Variants in CDHR2 observed in about 807,000 individuals in gnomAD.
The protein encoded by CDHR2 is cadherin related family member 2.
In CDHR2, 104 loss-of-function variants were observed where a neutral mutation model predicts 138.6. That is an observed-to-expected ratio of 0.75 (90% CI 0.64 to 0.88). The LOEUF is 0.88. Ranked by LOEUF, CDHR2 falls within the 40% of genes least tolerant of loss-of-function variation. The pLI is 0.00. For missense variants in CDHR2, 1,624 were observed against 1,727.6 expected, an observed-to-expected ratio of 0.94 and a Z score of 1.06; for synonymous variants, 755 against 742.8, an observed-to-expected ratio of 1.02 and a Z score of -0.27.
intron 1 of CDHR2, among the ~76,000 whole-genome samples, chr5:176,563,901 A>G (rs1404978108): frequency 2.6e-5 from 4 of 152,204 alleles, no homozygotes; most frequent in Admixed American, 2.0e-4. Flanking sequence ...CAATCAGCAC[A>G]AAAGAGTATA....
chr5:176,548,769 A>G (rs1471603982), upstream of CDHR2, among the ~76,000 whole-genome samples: 3 of 152,032 alleles, frequency 2.0e-5, no homozygotes, highest in Non-Finnish European at 2.9e-5. Flanking sequence ...TTAAAAAAAA[A>G]AGGCAACTTG....
chr5:176,566,095 C>CT (rs57830507), intron 3 of CDHR2, among the ~76,000 whole-genome samples: 2,652 of 144,914 alleles, frequency 0.018, 48 homozygotes, highest in African/African-American at 0.057. Context: ...CCCACGCTGG[C>CT]TTTTTTTTTT....
intron 5 of CDHR2, among the ~76,000 whole-genome samples, chr5:176,569,447 C>T (rs1413647789): frequency 7.2e-5 from 11 of 151,968 alleles, no homozygotes; most frequent in Non-Finnish European, 8.8e-5. Context: ...CCACGCCCGG[C>T]TAATTTTTGT....
At chr5:176,594,417 C>A (rs148904498) in intron 31 of CDHR2, among the ~76,000 whole-genome samples, 1 of 152,182 alleles carries the variant, frequency 6.6e-6, no homozygotes, top group Non-Finnish European at 1.5e-5. Context: ...AAGCTCCACA[C>A]GTCTGTGTGG....
intron 5 of CDHR2, among the ~76,000 whole-genome samples, chr5:176,569,959 C>CAAA (rs67181310): frequency 4.2e-5 from 6 of 141,682 alleles, no homozygotes; most frequent in Admixed American, 7.0e-5. Flanking sequence ...GACTCCGTCT[C>CAAA]AAAAAAAAAA....
At position 176,590,599 on chromosome 5, in the gene CDHR2, C is replaced by G. The variant is rs923572144; in HGVS notation, c.3451C>G (p.Gln1151Glu). ...QESQESDLSK[Q>E]LISVIIGLGV... Reference sequence around the variant, plus strand: ...GAGCCAGGAGTCAGACCTGTCGAAACAGCTCATCAGTGTCATCATAGGATT... The same window carrying G: ...GAGCCAGGAGTCAGACCTGTCGAAAGAGCTCATCAGTGTCATCATAGGATT... The change falls in exon 28 of 32, where the codon CAG becomes GAG. Residue 1151 changes from glutamine to glutamate, a missense_variant. Around this residue, in one of 3 missense-constraint regions of CDHR2, gnomAD observed 556 missense variants for 565.7 expected, o/e 0.98. Transcript: ENST00000261944. 4 of 1,613,966 alleles carry G rather than the reference C, an allele frequency of 2.5e-6. No homozygotes were observed. The African/African-American group carries it at 5.3e-5, about 22-fold the overall frequency.
chr5:176,568,103 G>A (rs913275765), intron 3 of CDHR2, among the ~76,000 whole-genome samples: 6 of 152,230 alleles, frequency 3.9e-5, no homozygotes, highest in Non-Finnish European at 7.3e-5. Flanking sequence ...TGGAGGTGTC[G>A]GAGCAGAGGC....
At chr5:176,583,095 G>A (rs1447107157) in intron 17 of CDHR2, among the ~76,000 whole-genome samples, 4 of 152,226 alleles carry the variant, frequency 2.6e-5, no homozygotes, top group African/African-American at 9.6e-5. Context: ...ATGAGGACTT[G>A]CTGGTTGTCC....
chr5:176,579,610 A>G (rs1545976), intron 16 of CDHR2, among the ~76,000 whole-genome samples: 34,437 of 152,102 alleles, frequency 0.23, 4,077 homozygotes, highest in East Asian at 0.45. Context: ...AGGGCACCAA[A>G]GGATGAGCAG....
chr5:176,568,196 G>A (rs1160298815), intron 3 of CDHR2, among the ~76,000 whole-genome samples: 1 of 152,234 alleles, frequency 6.6e-6, no homozygotes, highest in African/African-American at 2.4e-5. Flanking sequence ...TAGGGAGTGG[G>A]CGACCAGCCT....
intron 21 of CDHR2, among the ~76,000 whole-genome samples, chr5:176,588,454 AGG>A (rs1474954064): frequency 8.3e-5 from 10 of 121,150 alleles, no homozygotes; most frequent in African/African-American, 3.3e-4. Flanking sequence ...TGAGTGTGAG[AGG>A]GTGTGTGAGT....
chr5:176,589,507 T>C, intron 23 of CDHR2, 21 bp from the exon 24 acceptor site: 1 of 1,613,782 alleles, frequency 6.2e-7, no homozygotes, highest in Non-Finnish European at 8.5e-7. Context: ...GTGCCTCATC[T>C]CCTGCACACC....
At chr5:176,547,996 T>G (rs1382489994), upstream of CDHR2, among the ~76,000 whole-genome samples, 1 of 152,148 alleles carries the variant, frequency 6.6e-6, no homozygotes, top group Admixed American at 6.5e-5. Context: ...CATCACACAG[T>G]GACTTACACA....
chr5:176,580,007 C>A (rs906149763), intron 16 of CDHR2, among the ~76,000 whole-genome samples: 2 of 152,174 alleles, frequency 1.3e-5, no homozygotes, highest in African/African-American at 2.4e-5. Context: ...GGGAACGGAA[C>A]CTGCAAAGGC....
intron 1 of CDHR2, among the ~76,000 whole-genome samples, chr5:176,562,904 G>A (rs1378498182): frequency 6.6e-6 from 1 of 152,184 alleles, no homozygotes; most frequent in Non-Finnish European, 1.5e-5. Context: ...ACATGTAAAT[G>A]TATTACAATT....
rs1758820629 is a variant in CDHR2, at chr5:176,590,606, T to C, written c.3458T>C (p.Ile1153Thr). 1 of 1,614,006 alleles carries C rather than the reference T, an allele frequency of 6.2e-7. No individual in the cohort carries two copies. Among genetic ancestry groups the C allele is most frequent in the Non-Finnish European group, 8.5e-7 (1 of 1,179,986 alleles). The change falls in exon 28 of 32, where the codon ATC becomes ACC. Residue 1153 changes from isoleucine to threonine, a missense_variant. Transcript: ENST00000261944. ...GAGTCAGACCTGTCGAAACAGCTCA[T>C]CAGTGTCATCATAGGATTGGGAGTG... ...SQESDLSKQLISVIIGLGVAL... is the reference protein window; with the variant it reads ...SQESDLSKQLTSVIIGLGVAL...
chr5:176,589,703 C>T, intron 24 of CDHR2, 87 bp downstream of exon 24: 2 of 1,138,848 alleles, frequency 1.8e-6, no homozygotes, highest in Non-Finnish European at 2.6e-6. Context: ...GGATGTCTCT[C>T]AATCCTGTTC....
At position 176,575,499 on chromosome 5, in the gene CDHR2, A is replaced by G; in HGVS notation, c.769-7A>G. 2.5e-6 allele frequency: 4 copies of G among 1,614,170 alleles called. No homozygotes were observed. The highest frequency in any genetic ancestry group is 3.4e-6 in the Non-Finnish European group (4 of 1,180,016). ...GTTTGAGGAGCACTGACCAGGCCCC[A>G]TTCCAGGGAACCTCGGTGCTGACGG... is the stretch of plus-strand genomic sequence containing the variant. On this transcript the variant is annotated splice_polypyrimidine_tract_variant and splice_region_variant and intron_variant, in intron 9 of 31. Coordinates refer to ENST00000261944, the MANE Select transcript of CDHR2 (RefSeq NM_017675.6).
chr5:176,594,221 T>C (rs1448747975), intron 31 of CDHR2, among the ~76,000 whole-genome samples: 1 of 151,948 alleles, frequency 6.6e-6, no homozygotes, highest in Non-Finnish European at 1.5e-5. Context: ...GGCAGGGGGT[T>C]GCTATATTTC....
Sources: gnomAD v4.1 joint callset for allele counts (sites outside exome capture counted in the v4.1 genomes callset) on GRCh38, gnomAD v4.1.1 for gene constraint, gnomAD v4.1.1 regional missense constraint, MANE v1.5 for transcripts, NCBI Gene and HGNC (gene_info 2026-07-23, HGNC 2026-07-21) for gene names.